TBC1D15: variants seen among roughly 807,000 people sequenced by gnomAD.
TBC1D15 encodes TBC1 domain family member 15, also known as GAP for RAB7.
Under a neutral mutation model 95.4 loss-of-function variants are expected in TBC1D15, and 39 were observed. The ratio of observed to expected loss-of-function variants is 0.41; its 90% CI spans 0.32 to 0.53. The LOEUF (loss-of-function observed/expected upper bound fraction) is 0.53, where lower values mean the gene tolerates loss of function less well. Ranked by LOEUF, TBC1D15 falls within the 20% of genes least tolerant of loss-of-function variation. The pLI, the probability that TBC1D15 is intolerant of heterozygous loss-of-function variation, is 0.29. For missense variants in TBC1D15, 733 were observed against 794.3 expected (o/e 0.92, Z 0.93); for synonymous variants, 258 against 261.3 (o/e 0.99, Z 0.12).
intron 1 of TBC1D15, among the ~76,000 whole-genome samples, chr12:71,857,469 G>T (rs1889351741): frequency 6.6e-6 from 1 of 152,120 alleles, no homozygotes; most frequent in Admixed American, 6.5e-5. Flanking sequence ...TCTATGGCAG[G>T]ATGATACTAC....
In TBC1D15 at chr12:71,872,187, A is replaced by G. The variant is rs973204137; in HGVS notation, c.129+19A>G. 7.2e-7 allele frequency: 1 copy of G among 1,391,498 alleles called. No individual in the cohort carries two copies. The highest frequency in any genetic ancestry group is 2.4e-5 in the East Asian group (1 of 40,946). 86.2% of individuals were successfully genotyped at this position (1,391,498 alleles called of 1,614,324 possible). On this transcript the variant is annotated intron_variant, in intron 2 of 16. Transcript: ENST00000485960. ...AGAAAAGGTAAGTTTCTAGTAAATG[A>G]TTTTATTTAATAATAGTTTATGGTA... is the stretch of plus-strand genomic sequence containing the variant.
In TBC1D15 at chr12:71,896,793, C is replaced by G. The variant is rs765993884; in HGVS notation, c.1088+13C>G. The G allele has an allele frequency of 5.0e-6, 8 of 1,594,574 alleles. No individual in the cohort carries two copies. The Admixed American group carries it at 6.8e-5, about 13-fold the overall frequency. ...AAAAGCAAAAAACGTAAGTAATGGT[C>G]TTTCGTACATTTATCAAAGAGATTC... On this transcript the variant is annotated intron_variant, in intron 9 of 16. Coordinates refer to ENST00000485960, the MANE Select transcript of TBC1D15 (RefSeq NM_001146213.3).
intron 3 of TBC1D15, among the ~76,000 whole-genome samples, chr12:71,876,858 T>A (rs932306686): frequency 6.6e-6 from 1 of 151,416 alleles, no homozygotes; most frequent in African/African-American, 2.4e-5. Flanking sequence ...TCTCCCAGGC[T>A]GGAGTGCAGT....
intron 5 of TBC1D15, among the ~76,000 whole-genome samples, chr12:71,887,599 A>G (rs1030085339): frequency 1.4e-4 from 22 of 151,976 alleles, no homozygotes; most frequent in African/African-American, 4.6e-4. Context: ...TTCTACTTGG[A>G]ATATTTTCCT....
At chr12:71,917,349 G>A (rs1274795451) in intron 12 of TBC1D15, among the ~76,000 whole-genome samples, 1 of 152,108 alleles carries the variant, frequency 6.6e-6, no homozygotes, top group African/African-American at 2.4e-5. Flanking sequence ...TTTAACAATG[G>A]AAAGAATTTG....
intron 11 of TBC1D15, 140 bp downstream of exon 11, chr12:71,907,278 A>C (rs747445988): frequency 7.7e-6 from 4 of 520,032 alleles, no homozygotes; most frequent in East Asian, 6.4e-5. Context: ...CTGGAAACTT[A>C]CAAGGCTATG....
intron 11 of TBC1D15, among the ~76,000 whole-genome samples, chr12:71,910,785 A>G (rs1031029716): frequency 6.6e-6 from 1 of 152,194 alleles, no homozygotes; most frequent in African/African-American, 2.4e-5. Flanking sequence ...GATCTAATTA[A>G]ACTAAAGAGC....
chr12:71,875,465 A>G (rs77921460), intron 3 of TBC1D15, among the ~76,000 whole-genome samples: 2 of 151,902 alleles, frequency 1.3e-5, no homozygotes, highest in African/African-American at 4.8e-5. Context: ...CTAACTCAGG[A>G]TTATGAAGAT....
At chr12:71,866,834 T>C (rs1266143519) in intron 1 of TBC1D15, among the ~76,000 whole-genome samples, 1 of 152,200 alleles carries the variant, frequency 6.6e-6, no homozygotes, top group African/African-American at 2.4e-5. Context: ...AGATGAGCCC[T>C]AGGGCCTTCT....
At chr12:71,922,646 T>C (rs1346420158) in intron 16 of TBC1D15, among the ~76,000 whole-genome samples, 1 of 152,228 alleles carries the variant, frequency 6.6e-6, no homozygotes, top group Non-Finnish European at 1.5e-5. Context: ...TGAAGAACTT[T>C]GTTTACTGAG....
intron 10 of TBC1D15, among the ~76,000 whole-genome samples, chr12:71,899,933 TG>T (rs1478171726): frequency 6.6e-6 from 1 of 152,128 alleles, no homozygotes; most frequent in Non-Finnish European, 1.5e-5. Flanking sequence ...CACTCCGGCC[TG>T]GGTGACAGAG....
intron 11 of TBC1D15, among the ~76,000 whole-genome samples, chr12:71,910,020 T>C (rs916605836): frequency 6.6e-6 from 1 of 152,120 alleles, no homozygotes; most frequent in Non-Finnish European, 1.5e-5. Context: ...CTTTAATCCA[T>C]CTTGAATTAA....
At chr12:71,916,574 A>G (rs1259873076) in intron 12 of TBC1D15, among the ~76,000 whole-genome samples, 2 of 152,204 alleles carry the variant, frequency 1.3e-5, no homozygotes, top group African/African-American at 4.8e-5. Flanking sequence ...TTCTAATATG[A>G]TAGTTCTAAT....
intron 11 of TBC1D15, among the ~76,000 whole-genome samples, chr12:71,911,448 A>C (rs1248546758): frequency 6.7e-6 from 1 of 150,018 alleles, no homozygotes. Flanking sequence ...CAGCCATAAA[A>C]AATGATGAGT....
intron 11 of TBC1D15, among the ~76,000 whole-genome samples, chr12:71,908,345 C>T (rs1304649227): frequency 1.3e-5 from 2 of 152,160 alleles, no homozygotes; most frequent in African/African-American, 4.8e-5. Context: ...AGTATAAATA[C>T]TAGAAATGTT....
At chr12:71,922,653 TGA>T (rs1022868752) in intron 16 of TBC1D15, among the ~76,000 whole-genome samples, 2 of 152,226 alleles carry the variant, frequency 1.3e-5, no homozygotes, top group African/African-American at 2.4e-5. Flanking sequence ...CTTTGTTTAC[TGA>T]GAGAGACAGA....
intron 1 of TBC1D15, among the ~76,000 whole-genome samples, chr12:71,859,201 T>C (rs1253062795): frequency 6.6e-6 from 1 of 152,174 alleles, no homozygotes; most frequent in African/African-American, 2.4e-5. Context: ...TGCAATCCAG[T>C]AGCATAGATT....
rs1308161531 is a variant in TBC1D15 at position 71,896,313 on chromosome 12, ACT to A, written c.984+241_984+242del. ...TTCCTGGGGGTTGGGTAGACCCTTA[ACT>A]CTGGGGGAAGAATTCTTCCGTACTT... On this transcript the variant is annotated intron_variant, in intron 8 of 16. Transcript: ENST00000485960. 93 of 424,982 alleles carry A rather than the reference ACT, an allele frequency of 2.2e-4. No homozygotes were observed. The East Asian group carries it at 3.6e-3, about 16-fold the overall frequency. 26.3% of individuals were successfully genotyped at this position (424,982 alleles called of 1,614,324 possible).
intron 11 of TBC1D15, among the ~76,000 whole-genome samples, chr12:71,909,919 A>AC (rs1384071522): frequency 6.6e-6 from 1 of 152,172 alleles, no homozygotes; most frequent in Non-Finnish European, 1.5e-5. Flanking sequence ...CATTAATTCC[A>AC]CCCCCTACAA....
Sources: allele counts gnomAD v4.1 joint callset (sites outside exome capture counted in the v4.1 genomes callset), GRCh38; gene constraint gnomAD v4.1.1; transcripts MANE v1.5; gene names NCBI Gene and HGNC (gene_info 2026-07-23, HGNC 2026-07-21).